The following PCNX2 variants were observed in gnomAD, a reference collection of about 807,000 sequenced individuals.
PCNX2 encodes the protein pecanex 2.
PCNX2 carries 168 observed loss-of-function variants against 223.8 expected under a neutral mutation model. The ratio of observed to expected loss-of-function variants is 0.75; its 90% CI spans 0.66 to 0.85. PCNX2 has a LOEUF of 0.85. PCNX2 is among the 40% of genes least tolerant of loss of function. The pLI is 0.00. For synonymous variants in PCNX2, 1,006 were observed against 1,052.6 expected, an observed-to-expected ratio of 0.96 and a Z score of 0.86; for missense variants, 2,507 against 2,675.5, an observed-to-expected ratio of 0.94 and a Z score of 1.39.
intron 23 of PCNX2, among the ~76,000 whole-genome samples, chr1:233,060,754 T>G (rs1229975732): frequency 6.6e-6 from 1 of 152,236 alleles, no homozygotes; most frequent in Non-Finnish European, 1.5e-5. Flanking sequence ...ACATTAGGCA[T>G]GCGTCTGCAT....
rs1421175353 is a variant in PCNX2, at chr1:233,139,651, A to T, written c.3659+63T>A. 1.3e-5 allele frequency: 20 copies of T among 1,513,766 alleles called. No individual in the cohort carries two copies. Among genetic ancestry groups the T allele is most frequent in the Non-Finnish European group, 1.8e-5 (20 of 1,122,552 alleles). The allele number at this position is 1,513,766 out of a possible 1,614,324, so 93.8% of individuals were successfully genotyped here. A position where few individuals can be genotyped will look rare whatever the true frequency, so the allele number is the denominator to read the frequency against. On this transcript the variant is annotated intron_variant, in intron 20 of 33. Transcript: ENST00000258229. The surrounding 1 kb of genome is among the most constrained non-coding windows in gnomAD (Gnocchi z 4.4). ...GCTTCTTCTGCAGATTGTTTACAGA[A>T]AATTCACTCGATTTTGAAAATGTGA...
intron 12 of PCNX2, chr1:233,210,601 T>C (rs773226192): frequency 1.5e-5 from 15 of 985,364 alleles, no homozygotes; most frequent in Non-Finnish European, 1.8e-5. Context: ...TGCCTTGATT[T>C]CTGAGAACAC....
chr1:233,037,592 C>T (rs530283549), intron 25 of PCNX2, among the ~76,000 whole-genome samples: 19 of 152,038 alleles, frequency 1.2e-4, no homozygotes, highest in East Asian at 1.9e-4. Flanking sequence ...ATAATCCTCC[C>T]GGGATTACAG....
At chr1:233,092,884 C>T (rs1424763743) in intron 22 of PCNX2, among the ~76,000 whole-genome samples, 2 of 152,144 alleles carry the variant, frequency 1.3e-5, no homozygotes, top group African/African-American at 2.4e-5. Flanking sequence ...CTGCAACCTC[C>T]GCCTCCCAGG....
chr1:233,016,105 T>C (rs953860629), intron 27 of PCNX2, among the ~76,000 whole-genome samples: 1 of 152,168 alleles, frequency 6.6e-6, no homozygotes, highest in Non-Finnish European at 1.5e-5. Flanking sequence ...TATCACACCT[T>C]CTTTGTGGTT....
chr1:233,047,080 G>C (rs751255557), intron 25 of PCNX2, among the ~76,000 whole-genome samples: 1 of 152,156 alleles, frequency 6.6e-6, no homozygotes, highest in South Asian at 2.1e-4. Flanking sequence ...GAGATACAAG[G>C]CTCCAAGTTT....
At chr1:233,169,766 C>A (rs1203784334) in intron 17 of PCNX2, among the ~76,000 whole-genome samples, 4 of 151,684 alleles carry the variant, frequency 2.6e-5, no homozygotes, top group African/African-American at 9.7e-5. Context: ...TCTAACATTT[C>A]CAGCATCCTA....
At chr1:233,196,842 C>A (rs1680765807) in intron 15 of PCNX2, among the ~76,000 whole-genome samples, 1 of 152,174 alleles carries the variant, frequency 6.6e-6, no homozygotes, top group African/African-American at 2.4e-5. Flanking sequence ...ATCTAGCAAT[C>A]TCACTCAGGT....
At chr1:233,147,874 AG>A (rs1203325229) in intron 19 of PCNX2, among the ~76,000 whole-genome samples, 7 of 152,246 alleles carry the variant, frequency 4.6e-5, no homozygotes, top group Non-Finnish European at 4.4e-5. Context: ...ATAGCTATAA[AG>A]GAGCTCTACG....
the PCNX2 span, among the ~76,000 whole-genome samples, chr1:233,311,787 C>A: frequency 6.6e-6 from 1 of 152,056 alleles, no homozygotes; most frequent in South Asian, 2.1e-4. Flanking sequence ...GTATTGATAA[C>A]TATAATTGCA....
chr1:233,160,910 C>A (rs1678428652), intron 18 of PCNX2, among the ~76,000 whole-genome samples: 1 of 152,106 alleles, frequency 6.6e-6, no homozygotes, highest in South Asian at 2.1e-4. Context: ...TCTGCCTCAC[C>A]CCGATACGGT....
intron 19 of PCNX2, among the ~76,000 whole-genome samples, chr1:233,154,223 C>T (rs748164239): frequency 2.0e-5 from 3 of 151,990 alleles, no homozygotes; most frequent in African/African-American, 4.8e-5. Context: ...GGACTACAGG[C>T]GTGCAACACC....
the PCNX2 span, among the ~76,000 whole-genome samples, chr1:233,308,223 G>A: frequency 3.2e-4 from 49 of 152,292 alleles, no homozygotes; most frequent in Middle Eastern, 6.8e-3. Context: ...TTGGGAGGCC[G>A]AGACGGGCAG....
chr1:233,316,962 C>A, the PCNX2 span, among the ~76,000 whole-genome samples: 3 of 152,238 alleles, frequency 2.0e-5, no homozygotes, highest in South Asian at 6.2e-4. Context: ...CCATTATATT[C>A]CAAATAACTA....
chr1:233,185,394 T>C (rs770071356), intron 15 of PCNX2, among the ~76,000 whole-genome samples: 3 of 152,040 alleles, frequency 2.0e-5, no homozygotes, highest in Non-Finnish European at 4.4e-5. Context: ...CTGAATTCAG[T>C]GCTCCATGTA....
chr1:233,044,290 T>C (rs1671749814), intron 25 of PCNX2, among the ~76,000 whole-genome samples: 1 of 152,230 alleles, frequency 6.6e-6, no homozygotes, highest in South Asian at 2.1e-4. Context: ...TTGAGTTCAT[T>C]GTAGATTCTG....
intron 1 of PCNX2, among the ~76,000 whole-genome samples, chr1:233,270,315 ATAAAC>A (rs1660577504): frequency 6.6e-6 from 1 of 152,238 alleles, no homozygotes. Context: ...TTATGAAAAA[ATAAAC>A]TAAACAAATT....
intron 23 of PCNX2, chr1:233,057,909 C>A (rs1251582300): frequency 2.0e-6 from 2 of 984,830 alleles, no homozygotes; most frequent in Non-Finnish European, 2.4e-6. Flanking sequence ...ACTTTCAGAA[C>A]TTGAGAACAG....
At chr1:233,010,178 A>G (rs1204464935) in intron 28 of PCNX2, among the ~76,000 whole-genome samples, 2 of 152,178 alleles carry the variant, frequency 1.3e-5, no homozygotes, top group Admixed American at 6.5e-5. Context: ...CCTCATCTCC[A>G]GTGGAAGCTC....
Sources: allele counts gnomAD v4.1 joint callset (sites outside exome capture counted in the v4.1 genomes callset), GRCh38; gene constraint gnomAD v4.1.1; non-coding constraint Gnocchi (gnomAD v3.1); transcripts MANE v1.5; gene names NCBI Gene and HGNC (gene_info 2026-07-23, HGNC 2026-07-21).